The following ABHD2 variants were observed in gnomAD, a reference collection of about 807,000 sequenced individuals.
ABHD2 encodes abhydrolase domain containing 2, acylglycerol lipase.
Under a neutral mutation model 48.1 loss-of-function variants are expected in ABHD2, and 20 were observed. The observed-to-expected ratio is 0.42, with a 90% CI of 0.29 to 0.60. The LOEUF (loss-of-function observed/expected upper bound fraction) is 0.60, where lower values mean the gene tolerates loss of function less well. ABHD2 is among the 20% of genes least tolerant of loss of function. ABHD2 has a pLI of 0.24. For missense variants in ABHD2, 405 were observed against 550.9 expected, an observed-to-expected ratio of 0.74 and a Z score of 2.65; for synonymous variants, 209 against 214.2, an observed-to-expected ratio of 0.98 and a Z score of 0.21.
At chr15:89,064,956 G>T in the ABHD2 span, among the ~76,000 whole-genome samples, 1 of 152,016 alleles carries the variant, frequency 6.6e-6, no homozygotes, top group South Asian at 2.1e-4. Context: ...CTCATCCCCC[G>T]AGAGGGATCA....
intron 3 of ABHD2, among the ~76,000 whole-genome samples, chr15:89,141,179 C>T (rs2050396886): frequency 6.6e-6 from 1 of 151,846 alleles, no homozygotes; most frequent in African/African-American, 2.4e-5. Context: ...ATGAGGTCTT[C>T]CTATGTCACC....
the ABHD2 span, among the ~76,000 whole-genome samples, chr15:89,050,458 C>T: frequency 2.6e-5 from 4 of 151,782 alleles, no homozygotes; most frequent in Non-Finnish European, 4.4e-5. Context: ...CTTCAAGAAC[C>T]GGGGTTAAGT....
At chr15:89,046,126 A>G in the ABHD2 span, among the ~76,000 whole-genome samples, 1 of 152,146 alleles carries the variant, frequency 6.6e-6, no homozygotes, top group African/African-American at 2.4e-5. Flanking sequence ...AATTTTGTCA[A>G]AGGCCTTTTC....
the ABHD2 span, among the ~76,000 whole-genome samples, chr15:89,065,671 A>G: frequency 6.6e-6 from 1 of 152,162 alleles, no homozygotes. Flanking sequence ...AATTTTCCAG[A>G]GAAGTTTTAG....
At chr15:89,147,132 T>G (rs2050505011) in intron 3 of ABHD2, among the ~76,000 whole-genome samples, 1 of 152,162 alleles carries the variant, frequency 6.6e-6, no homozygotes, top group African/African-American at 2.4e-5. Flanking sequence ...AATTGAGAAC[T>G]TGGTGTATAT....
chr15:89,042,985 T>G, the ABHD2 span, among the ~76,000 whole-genome samples: 1 of 152,140 alleles, frequency 6.6e-6, no homozygotes, highest in Non-Finnish European at 1.5e-5. Flanking sequence ...TCTTTCTTAA[T>G]TTGCCCAGCA....
Position 89,166,527 on chromosome 15 carries a change from C to T in ABHD2, c.539-9285C>T, listed in dbSNP as rs2050840680. ...CTTTTGGATTAAGGCTGCAGTGAAC[C>T]GTGATCATGCCACTGCACTCCAGCC... is the stretch of plus-strand genomic sequence containing the variant. On this transcript the variant is annotated intron_variant, in intron 5 of 10. Transcript: ENST00000352732. This position sits in a 1 kb window ranked among gnomAD's most constrained non-coding sequence, Gnocchi z 4.6. Among the ~76,000 whole-genome samples, 1 of 152,114 alleles carries T rather than the reference C, an allele frequency of 6.6e-6. No individual in the cohort carries two copies. The highest frequency in any genetic ancestry group is 1.5e-5 in the Non-Finnish European group (1 of 68,014).
chr15:89,115,633 C>G (rs1032055623), intron 2 of ABHD2, among the ~76,000 whole-genome samples: 1 of 152,242 alleles, frequency 6.6e-6, no homozygotes, highest in Middle Eastern at 3.4e-3. Flanking sequence ...ACAAACTAGC[C>G]GAGCTCTATT....
At chr15:89,158,949 C>T (rs1437142822) in intron 5 of ABHD2, among the ~76,000 whole-genome samples, 2 of 151,688 alleles carry the variant, frequency 1.3e-5, no homozygotes, top group African/African-American at 2.4e-5. Flanking sequence ...CAGATGTGAG[C>T]CACCGTGCCA....
At chr15:89,095,480 C>G (rs2049598071) in intron 1 of ABHD2, among the ~76,000 whole-genome samples, 1 of 152,162 alleles carries the variant, frequency 6.6e-6, no homozygotes, top group Non-Finnish European at 1.5e-5. Context: ...GTTTGAAGTG[C>G]CACGTTTTAG....
chr15:89,191,034 C>G (rs758174192), intron 8 of ABHD2, 46 bp from the exon 9 acceptor site: 2 of 1,591,598 alleles, frequency 1.3e-6, no homozygotes, highest in Non-Finnish European at 1.7e-6. Context: ...TCTTAAAGAC[C>G]AATGTTTTGT....
chr15:89,156,163 C>T (rs1216795797), intron 5 of ABHD2, among the ~76,000 whole-genome samples: 1 of 138,906 alleles, frequency 7.2e-6, no homozygotes, highest in African/African-American at 2.7e-5. Flanking sequence ...CTCTGTCACC[C>T]AGGCTGGAGT....
intron 3 of ABHD2, among the ~76,000 whole-genome samples, chr15:89,127,423 G>A (rs1188634684): frequency 6.6e-6 from 1 of 151,498 alleles, no homozygotes; most frequent in East Asian, 1.9e-4. Flanking sequence ...GAAACAGCAG[G>A]TTATATGTTT....
At chr15:89,136,278 T>G (rs2050311172) in intron 3 of ABHD2, 4 of 413,026 alleles carry the variant, frequency 9.7e-6, no homozygotes. Flanking sequence ...TTTTCGTTTC[T>G]CTTTCGTATG....
chr15:89,169,102 GAATAAA>G (rs2050880458), intron 5 of ABHD2, among the ~76,000 whole-genome samples: 2 of 152,040 alleles, frequency 1.3e-5, no homozygotes, highest in African/African-American at 4.8e-5. Context: ...AAAAAAATAA[GAATAAA>G]AATAATAAAA....
chr15:89,149,619 A>T (rs1169067514), intron 3 of ABHD2, among the ~76,000 whole-genome samples: 1 of 152,182 alleles, frequency 6.6e-6, no homozygotes, highest in Non-Finnish European at 1.5e-5. Flanking sequence ...ACCTGACTGG[A>T]AGTGAGTCTT....
upstream of ABHD2, among the ~76,000 whole-genome samples, chr15:89,084,662 C>A (rs1464975179): frequency 6.6e-6 from 1 of 152,206 alleles, no homozygotes; most frequent in Non-Finnish European, 1.5e-5. This position sits in a 1 kb window ranked among gnomAD's most constrained non-coding sequence, Gnocchi z 4.4. Flanking sequence ...CCTGTGATCA[C>A]TACTTCTGAG....
intron 6 of ABHD2, among the ~76,000 whole-genome samples, chr15:89,181,089 G>C (rs2051103274): frequency 6.6e-6 from 1 of 151,862 alleles, no homozygotes; most frequent in Non-Finnish European, 1.5e-5. Context: ...AGCCAGGTGT[G>C]GTGGCGCGCA....
At chr15:89,129,596 G>A (rs1298083341) in intron 3 of ABHD2, among the ~76,000 whole-genome samples, 1 of 152,046 alleles carries the variant, frequency 6.6e-6, no homozygotes, top group African/African-American at 2.4e-5. Flanking sequence ...GTAAATCCAG[G>A]GGCCCAAGTG....
Sources: allele counts gnomAD v4.1 joint callset (sites outside exome capture counted in the v4.1 genomes callset), GRCh38; gene constraint gnomAD v4.1.1; non-coding constraint Gnocchi (gnomAD v3.1); transcripts MANE v1.5; gene names NCBI Gene and HGNC (gene_info 2026-07-23, HGNC 2026-07-21).